The following KCNQ1 variants were observed in gnomAD, a reference collection of about 807,000 sequenced individuals.
KCNQ1 encodes the protein potassium voltage-gated channel subfamily Q member 1, also known as potassium voltage-gated channel subfamily KQT member 1.
A neutral mutation model predicts 72.4 loss-of-function variants in KCNQ1; 49 were observed. That is an observed-to-expected ratio of 0.68 (90% CI 0.54 to 0.86). The LOEUF (loss-of-function observed/expected upper bound fraction) is 0.86. KCNQ1 is among the 40% of genes least tolerant of loss of function. The pLI, the probability that KCNQ1 is intolerant of heterozygous loss-of-function variation, is 0.00. For synonymous variants in KCNQ1, 450 were observed against 412.6 expected (o/e 1.09, Z -1.10); for missense variants, 790 against 945.1 (o/e 0.84, Z 2.15).
In KCNQ1 at chr11:2,484,482, T is replaced by C. The variant is rs1448819577; in HGVS notation, c.386+38998T>C. Among the ~76,000 whole-genome samples the C allele has an allele frequency of 6.6e-6, 1 of 152,230 alleles. No homozygotes were observed. The highest frequency in any genetic ancestry group is 1.5e-5 in the Non-Finnish European group (1 of 68,038). On this transcript the variant is annotated intron_variant, in intron 1 of 15. Coordinates refer to ENST00000155840, the MANE Select transcript of KCNQ1 (RefSeq NM_000218.3). This position sits in a 1 kb window ranked among gnomAD's most constrained non-coding sequence, Gnocchi z 5.2. ...ACCCAGCCTCATTATTTATTTTCAT[T>C]GCTCAAATTGTGCTGGCTTTTGCCC...
At chr11:2,727,271 G>T (rs992344258) in intron 11 of KCNQ1, among the ~76,000 whole-genome samples, 1 of 152,134 alleles carries the variant, frequency 6.6e-6, no homozygotes, top group Non-Finnish European at 1.5e-5. Context: ...GACACATCAG[G>T]GTCTGAATCC....
chr11:2,543,060 C>A lies in KCNQ1; in HGVS notation c.477+15042C>A, dbSNP rs1055847737. Among the ~76,000 whole-genome samples, 2 of 152,064 alleles carry A rather than the reference C, an allele frequency of 1.3e-5. No individual in the cohort carries two copies. Among genetic ancestry groups the A allele is most frequent in the African/African-American group, 4.8e-5 (2 of 41,318 alleles). ...CCTGCTGTGGTTTTAACTTTCATTT[C>A]CTAAGGACCAGTGATGTTGAATATC... On this transcript the variant is annotated intron_variant, in intron 2 of 15. Coordinates refer to ENST00000155840, the MANE Select transcript of KCNQ1 (RefSeq NM_000218.3). This position sits in a 1 kb window ranked among gnomAD's most constrained non-coding sequence, Gnocchi z 5.6.
At position 2,623,327 on chromosome 11, in the gene KCNQ1, T is replaced by A. The variant is rs1849204790; in HGVS notation, c.1393+34473T>A. On this transcript the variant is annotated intron_variant, in intron 10 of 15. Coordinates refer to ENST00000155840, the MANE Select transcript of KCNQ1 (RefSeq NM_000218.3). The surrounding 1 kb of genome is among the most constrained non-coding windows in gnomAD (Gnocchi z 5.2). The stretch of plus-strand genomic sequence containing the variant: ...ATAGCACTGTGAGAACGGACTAATA[T>A]GCATGTATCTACCATTATAGTATCA... The A allele has an allele frequency of 2.5e-6, 1 of 398,600 alleles. No individual in the cohort carries two copies. The highest frequency in any genetic ancestry group is 2.1e-5 in the African/African-American group (1 of 48,638). The allele number at this position is 398,600 out of a possible 1,614,324, so 24.7% of individuals were successfully genotyped here. A position where few individuals can be genotyped will look rare whatever the true frequency, so the allele number is the denominator to read the frequency against.
intron 6 of KCNQ1, among the ~76,000 whole-genome samples, chr11:2,574,637 A>G (rs1848393111): frequency 6.6e-6 from 1 of 152,206 alleles, no homozygotes; most frequent in Non-Finnish European, 1.5e-5. Flanking sequence ...CTCCCCAGGC[A>G]GGCACGTGTC....
chr11:2,632,567 A>T (rs957446617), intron 10 of KCNQ1: 18 of 398,198 alleles, frequency 4.5e-5, no homozygotes, highest in Middle Eastern at 1.2e-3. Context: ...TATTTATGGG[A>T]TATACACAGT....
At chr11:2,776,878 C>A in intron 13 of KCNQ1, 108 bp from the exon 14 acceptor site, 3 of 1,099,114 alleles carry the variant, frequency 2.7e-6, no homozygotes, top group Non-Finnish European at 4.1e-6. Flanking sequence ...AGTGGGTGGA[C>A]AGTCCACTGT....
intron 2 of KCNQ1, among the ~76,000 whole-genome samples, chr11:2,542,667 C>T (rs371096284): frequency 2.6e-5 from 4 of 152,162 alleles, no homozygotes; most frequent in East Asian, 1.9e-4. Flanking sequence ...TCAGTGTAGA[C>T]GGTTGGCGTT....
Position 2,508,200 on chromosome 11 carries a change from A to G in KCNQ1, c.387-19728A>G, listed in dbSNP as rs1847136814. On this transcript the variant is annotated intron_variant, in intron 1 of 15. Transcript: ENST00000155840. This position sits in a 1 kb window ranked among gnomAD's most constrained non-coding sequence, Gnocchi z 6.2. ...TGAGGTTTGCAAACACTAGGCATGC[A>G]TGTTTGAGGTACCACAACCTCCACC... 6.6e-6 allele frequency among the ~76,000 whole-genome samples: 1 copy of G among 152,206 alleles called. No homozygotes were observed. The highest frequency in any genetic ancestry group is 1.5e-5 in the Non-Finnish European group (1 of 68,030).
chr11:2,585,293 G>C lies in KCNQ1; in HGVS notation c.1114G>C (p.Ala372Pro). 1.2e-6 allele frequency: 2 copies of C among 1,613,926 alleles called. No homozygotes were observed. Among genetic ancestry groups the C allele is most frequent in the Non-Finnish European group, 1.7e-6 (2 of 1,179,962 alleles). ...CTTCAACCGGCAGATCCCGGCGGCA[G>C]CCTCACTCATTCAGGTGCGGTGCCT... ...KHFNRQIPAAASLIQTAWRCY... is the reference protein window; with the variant it reads ...KHFNRQIPAAPSLIQTAWRCY... The change falls in exon 8 of 16, where the codon GCC (alanine) becomes CCC (proline). Residue 372 changes from alanine to proline, a missense_variant. Around this residue, in one of 5 missense-constraint regions of KCNQ1, gnomAD observed 133 missense variants for 219.5 expected, o/e 0.61. Coordinates refer to ENST00000155840, the MANE Select transcript of KCNQ1 (RefSeq NM_000218.3).
At position 2,471,697 on chromosome 11, in the gene KCNQ1, T is replaced by C. The variant is rs1846463928; in HGVS notation, c.386+26213T>C. ...GTGCACATGTGTATGGGTGTGCATG[T>C]GTGTATAGGTGTGTGTATGTGTGCA... On this transcript the variant is annotated intron_variant, in intron 1 of 15. Coordinates refer to ENST00000155840, the MANE Select transcript of KCNQ1 (RefSeq NM_000218.3). The surrounding 1 kb of genome is among the most constrained non-coding windows in gnomAD (Gnocchi z 4.8). Among the ~76,000 whole-genome samples, 1 of 151,626 alleles carries C rather than the reference T, an allele frequency of 6.6e-6. No homozygotes were observed. The highest frequency in any genetic ancestry group is 1.5e-5 in the Non-Finnish European group (1 of 67,908).
intron 15 of KCNQ1, among the ~76,000 whole-genome samples, chr11:2,846,264 G>A (rs1848326957): frequency 6.6e-6 from 1 of 152,344 alleles, no homozygotes; most frequent in Middle Eastern, 3.4e-3. Context: ...TGCTGTGGCT[G>A]AGTCATCTTC....
Position 2,676,221 on chromosome 11 carries a change from T to C in KCNQ1, c.1514+14140T>C. 1 of 398,694 alleles carries C rather than the reference T, an allele frequency of 2.5e-6. No homozygotes were observed. The highest frequency in any genetic ancestry group is 4.4e-6 in the Non-Finnish European group (1 of 226,070). 24.7% of individuals were successfully genotyped at this position (398,694 alleles called of 1,614,324 possible). A position where few individuals can be genotyped will look rare whatever the true frequency, so the allele number is the denominator to read the frequency against. ...ACTTCTTTTTGAGCTGTACATACAATGCTGATTTATTATGGTGCAGTACAT... is the reference window on the plus strand; with the variant it reads ...ACTTCTTTTTGAGCTGTACATACAACGCTGATTTATTATGGTGCAGTACAT... On this transcript the variant is annotated intron_variant, in intron 11 of 15. Transcript: ENST00000155840. This position sits in a 1 kb window ranked among gnomAD's most constrained non-coding sequence, Gnocchi z 4.2.
chr11:2,633,146 T>G (rs1266766241), intron 10 of KCNQ1: 1 of 398,430 alleles, frequency 2.5e-6, no homozygotes, highest in East Asian at 3.6e-5. Context: ...TGGCTTTGAC[T>G]TGCATTTCTG....
intron 15 of KCNQ1, among the ~76,000 whole-genome samples, chr11:2,790,122 C>T (rs944809069): frequency 1.3e-5 from 2 of 152,200 alleles, no homozygotes; most frequent in African/African-American, 4.8e-5. Context: ...ATACCATGAG[C>T]CCAAATGACC....
chr11:2,541,583 C>T lies in KCNQ1; in HGVS notation c.477+13565C>T, dbSNP rs1050677430. 4.6e-5 allele frequency among the ~76,000 whole-genome samples: 7 copies of T among 151,984 alleles called. No homozygotes were observed. The highest frequency in any genetic ancestry group is 7.2e-5 in the African/African-American group (3 of 41,472). ...GGGATTGAGGACAAAGCCATGGGGA[C>T]GCCGTTTTCGGGATGCTTGTGAGCA... On this transcript the variant is annotated intron_variant, in intron 2 of 15. Transcript: ENST00000155840. This position sits in a 1 kb window ranked among gnomAD's most constrained non-coding sequence, Gnocchi z 4.8.
chr11:2,643,063 A>G (rs1200225995), intron 10 of KCNQ1: 4 of 397,918 alleles, frequency 1.0e-5, no homozygotes, highest in Non-Finnish European at 1.8e-5. Flanking sequence ...ATTTAAAATC[A>G]TACTTAGTGT....
In KCNQ1 at chr11:2,826,301, G is replaced by T. The variant is rs538191215; in HGVS notation, c.1795-21466G>T. On this transcript the variant is annotated intron_variant, in intron 15 of 15. Transcript: ENST00000155840. The surrounding 1 kb of genome is among the most constrained non-coding windows in gnomAD (Gnocchi z 4.2). The stretch of plus-strand genomic sequence containing the variant: ...ATGAAGAAATTGAGCCGGGGTTGGG[G>T]GCGGGGAGGGCAGGTTAACCCTTCG... Among the ~76,000 whole-genome samples, 2 of 152,362 alleles carry T rather than the reference G, an allele frequency of 1.3e-5. No homozygotes were observed. Among genetic ancestry groups the T allele is most frequent in the South Asian group, 2.1e-4 (1 of 4,834 alleles).
intron 10 of KCNQ1, chr11:2,643,284 T>C: frequency 2.5e-6 from 1 of 398,396 alleles, no homozygotes. Flanking sequence ...ATTATTGTGT[T>C]GAAGTCTACC....
rs771782578 is a variant in KCNQ1 at position 2,588,695 on chromosome 11, TTG to T, written c.1252-16_1252-15del. 1.9e-6 allele frequency: 3 copies of T among 1,612,890 alleles called. No homozygotes were observed. In the East Asian group the frequency reaches 6.7e-5, roughly 36 times the overall value. ...ACGATGTCCAGGAACCGCTAATCTG[TTG>T]TCTTGTTTTTTTTAGGTAAAGAAAA... On this transcript the variant is annotated splice_polypyrimidine_tract_variant and intron_variant, in intron 9 of 15. Coordinates refer to ENST00000155840, the MANE Select transcript of KCNQ1 (RefSeq NM_000218.3). The surrounding 1 kb of genome is among the most constrained non-coding windows in gnomAD (Gnocchi z 5.6).
Sources: allele counts gnomAD v4.1 joint callset (sites outside exome capture counted in the v4.1 genomes callset), GRCh38; gene constraint gnomAD v4.1.1; regional missense constraint gnomAD v4.1.1; non-coding constraint Gnocchi (gnomAD v3.1); transcripts MANE v1.5; gene names NCBI Gene and HGNC (gene_info 2026-07-23, HGNC 2026-07-21).